The following PRICKLE2 variants were observed in gnomAD, a reference collection of about 807,000 sequenced individuals.
The protein encoded by PRICKLE2 is prickle planar cell polarity protein 2.
A neutral mutation model predicts 81.4 loss-of-function variants in PRICKLE2; 21 were observed. The observed-to-expected ratio is 0.26, with a 90% CI of 0.18 to 0.37. PRICKLE2 has a LOEUF of 0.37. PRICKLE2 is among the 10% of genes least tolerant of loss of function. The pLI is 1.00. For synonymous variants in PRICKLE2, 456 were observed against 421.5 expected (o/e 1.08, Z -1.00); for missense variants, 940 against 1,109.0 (o/e 0.85, Z 2.16).
intron 7 of PRICKLE2, among the ~76,000 whole-genome samples, chr3:64,108,393 T>C (rs140778573): frequency 6.8e-4 from 103 of 152,276 alleles, no homozygotes; most frequent in African/African-American, 2.2e-3. Flanking sequence ...ATCGATTTCC[T>C]CAACATCCCG....
At position 64,147,266 on chromosome 3, in the gene PRICKLE2, C is replaced by T; in HGVS notation, c.1224G>A (p.Glu408=). 1.2e-6 allele frequency: 2 copies of T among 1,611,418 alleles called. No homozygotes were observed. The highest frequency in any genetic ancestry group is 2.7e-5 in the African/African-American group (2 of 74,980). ...GCAGAGGGCTCTGGGTCTGGTTCTGCTCCATCTTGTTCCCATAATGGTAGG... is the reference window on the plus strand; with the variant it reads ...GCAGAGGGCTCTGGGTCTGGTTCTGTTCCATCTTGTTCCCATAATGGTAGG... ...EEPYHYGNKM[E]QNQTQSPLQL... Residue 408 remains glutamate (E), a synonymous_variant, in exon 7 of 8, where the codon GAG becomes GAA. Coordinates refer to ENST00000638394, the MANE Select transcript of PRICKLE2 (RefSeq NM_198859.4). The surrounding 1 kb of genome is among the most constrained non-coding windows in gnomAD (Gnocchi z 5.0).
At chr3:64,194,981 G>A (rs545150598) in intron 2 of PRICKLE2, among the ~76,000 whole-genome samples, 6 of 152,242 alleles carry the variant, frequency 3.9e-5, no homozygotes, top group African/African-American at 1.2e-4. Context: ...GTTCAAGGTT[G>A]CAGTGAGCTA....
Position 64,097,508 on chromosome 3 carries a change from A to G in PRICKLE2, c.*1543T>C, listed in dbSNP as rs2076587853. The G allele has an allele frequency of 6.6e-6, 1 of 152,612 alleles. No homozygotes were observed. Among genetic ancestry groups the G allele is most frequent in the Non-Finnish European group, 1.5e-5 (1 of 68,032 alleles). The allele number at this position is 152,612 out of a possible 1,614,324, so 9.5% of individuals were successfully genotyped here. On this transcript the variant is annotated 3_prime_UTR_variant, in exon 8 of 8. Transcript: ENST00000638394. ...GGGAGGAGGAGGATGGAAGAAACCAAGTGCTTCATTTTTAACTGAAGCAAG... is the reference window on the plus strand; with the variant it reads ...GGGAGGAGGAGGATGGAAGAAACCAGGTGCTTCATTTTTAACTGAAGCAAG...
intron 1 of PRICKLE2, among the ~76,000 whole-genome samples, chr3:64,209,601 GCCAACCAACCTA>G (rs1195708474): frequency 3.3e-5 from 5 of 151,782 alleles, no homozygotes; most frequent in African/African-American, 4.8e-5. Context: ...TATCCATCCA[GCCAACCAACCTA>G]CCAACCAACC....
At position 64,147,568 on chromosome 3, in the gene PRICKLE2, G is replaced by T. The variant is rs1465780206; in HGVS notation, c.922C>A (p.Arg308=). 5.6e-6 allele frequency: 9 copies of T among 1,614,144 alleles called. No individual in the cohort carries two copies. Among genetic ancestry groups the T allele is most frequent in the Non-Finnish European group, 7.6e-6 (9 of 1,180,054 alleles). ...GGGTCTTCCCCAGCACTGCAGGCCCGTGAGCAGAATATCTGGCCCTGCTTC... is the reference window on the plus strand; with the variant it reads ...GGGTCTTCCCCAGCACTGCAGGCCCTTGAGCAGAATATCTGGCCCTGCTTC... ...LPKQGQIFCS[R]ACSAGEDPNG... Residue 308 remains arginine, a synonymous_variant, in exon 7 of 8, where the codon CGG becomes AGG. Coordinates refer to ENST00000638394, the MANE Select transcript of PRICKLE2 (RefSeq NM_198859.4). This position sits in a 1 kb window ranked among gnomAD's most constrained non-coding sequence, Gnocchi z 5.0.
intron 1 of PRICKLE2, among the ~76,000 whole-genome samples, chr3:64,208,388 A>C (rs1294122266): frequency 6.6e-6 from 1 of 152,228 alleles, no homozygotes; most frequent in Admixed American, 6.5e-5. Flanking sequence ...ACAGGGCTTC[A>C]GCTCCTACCT....
chr3:64,263,272 T>G (rs1397237712), intron 2 of PRICKLE2, among the ~76,000 whole-genome samples: 3 of 152,178 alleles, frequency 2.0e-5, no homozygotes, highest in African/African-American at 7.2e-5. Context: ...ATTACATCAC[T>G]TGTACCCGAA....
chr3:64,132,406 T>A (rs1466044138), intron 7 of PRICKLE2, among the ~76,000 whole-genome samples: 1 of 152,204 alleles, frequency 6.6e-6, no homozygotes, highest in Non-Finnish European at 1.5e-5. Flanking sequence ...CCTGCTAGGC[T>A]GCAGCTTGGC....
intron 2 of PRICKLE2, among the ~76,000 whole-genome samples, chr3:64,181,337 G>T (rs1240665106): frequency 6.6e-6 from 1 of 152,046 alleles, no homozygotes; most frequent in Non-Finnish European, 1.5e-5. Context: ...AAGCAGTTCT[G>T]GCAGGCATCC....
chr3:64,197,482 T>C (rs1383233232), intron 2 of PRICKLE2, among the ~76,000 whole-genome samples: 1 of 152,198 alleles, frequency 6.6e-6, no homozygotes, highest in Admixed American at 6.5e-5. Context: ...TTATAGAGTC[T>C]ACATATTAGA....
At chr3:64,151,163 T>C (rs1173699300) in intron 6 of PRICKLE2, among the ~76,000 whole-genome samples, 1 of 152,246 alleles carries the variant, frequency 6.6e-6, no homozygotes, top group Non-Finnish European at 1.5e-5. Context: ...TTGTACAGTA[T>C]GGTCAGAGGT....
rs1379145897 is a variant in PRICKLE2 at position 64,095,388 on chromosome 3, C to T, written c.*3663G>A. 6.6e-6 allele frequency: 1 copy of T among 152,150 alleles called. No homozygotes were observed. Among genetic ancestry groups the T allele is most frequent in the African/African-American group, 2.4e-5 (1 of 41,424 alleles). 9.4% of individuals were successfully genotyped at this position (152,150 alleles called of 1,614,324 possible). A position where few individuals can be genotyped will look rare whatever the true frequency, so the allele number is the denominator to read the frequency against. On this transcript the variant is annotated 3_prime_UTR_variant, in exon 8 of 8. Coordinates refer to ENST00000638394, the MANE Select transcript of PRICKLE2 (RefSeq NM_198859.4). ...CAAGAGTGGAAAGACAGATATGAATCAGTTCACAAATAAGATTGGTTATCA... is the reference window on the plus strand; with the variant it reads ...CAAGAGTGGAAAGACAGATATGAATTAGTTCACAAATAAGATTGGTTATCA...
intron 1 of PRICKLE2, among the ~76,000 whole-genome samples, chr3:64,201,733 T>A (rs1057504352): frequency 3.3e-5 from 5 of 152,218 alleles, no homozygotes; most frequent in Non-Finnish European, 5.9e-5. Flanking sequence ...GCACAAAAGT[T>A]TTTAATTTTT....
At chr3:64,143,414 A>G (rs1158710219) in intron 7 of PRICKLE2, among the ~76,000 whole-genome samples, 1 of 152,136 alleles carries the variant, frequency 6.6e-6, no homozygotes, top group Non-Finnish European at 1.5e-5. Flanking sequence ...CAAGGATCCT[A>G]GAAAATCATG....
At chr3:64,267,227 C>A (rs2079724572) in intron 2 of PRICKLE2, among the ~76,000 whole-genome samples, 1 of 152,090 alleles carries the variant, frequency 6.6e-6, no homozygotes, top group South Asian at 2.1e-4. Context: ...CTCTCATCTC[C>A]AAACTATACA....
At chr3:64,139,517 T>C (rs2077328252) in intron 7 of PRICKLE2, among the ~76,000 whole-genome samples, 1 of 152,224 alleles carries the variant, frequency 6.6e-6, no homozygotes, top group African/African-American at 2.4e-5. Flanking sequence ...AGCCCCAGAT[T>C]GCCTCCTAAC....
intron 2 of PRICKLE2, among the ~76,000 whole-genome samples, chr3:64,169,687 A>G (rs2077897674): frequency 6.6e-6 from 1 of 152,224 alleles, no homozygotes; most frequent in Non-Finnish European, 1.5e-5. Context: ...CTCAGACATG[A>G]GCTGATACAT....
At chr3:64,113,894 C>T (rs937411089) in intron 7 of PRICKLE2, among the ~76,000 whole-genome samples, 4 of 152,188 alleles carry the variant, frequency 2.6e-5, no homozygotes, top group African/African-American at 9.7e-5. Context: ...CCAGCAGGGG[C>T]CCCCCACTCC....
intron 1 of PRICKLE2, among the ~76,000 whole-genome samples, chr3:64,221,883 T>A (rs2078961412): frequency 6.6e-6 from 1 of 152,134 alleles, no homozygotes; most frequent in African/African-American, 2.4e-5. Context: ...TTCAGAGTGT[T>A]TGGAACTGAT....
Sources: allele counts gnomAD v4.1 joint callset (sites outside exome capture counted in the v4.1 genomes callset), GRCh38; gene constraint gnomAD v4.1.1; non-coding constraint Gnocchi (gnomAD v3.1); transcripts MANE v1.5; gene names NCBI Gene and HGNC (gene_info 2026-07-23, HGNC 2026-07-21).